GPC6: variants seen among roughly 807,000 people sequenced by gnomAD.
GPC6 encodes the protein glypican 6, also known as glypican-6.
In GPC6, 14 loss-of-function variants were observed where a neutral mutation model predicts 55.2. The ratio of observed to expected loss-of-function variants is 0.25; its 90% CI spans 0.17 to 0.40. GPC6 has a LOEUF of 0.40. Among genes scored for constraint, GPC6 ranks in the 10% least tolerant of loss-of-function variants. The probability of loss-of-function intolerance (pLI) is 1.00; values close to 1 mark genes in which losing one functional copy is unlikely to be tolerated. For missense variants in GPC6, 641 were observed against 708.5 expected (o/e 0.90, Z 1.08); for synonymous variants, 278 against 259.6 (o/e 1.07, Z -0.68).
chr13:93,417,175 T>C (rs181362644), intron 1 of GPC6, among the ~76,000 whole-genome samples: 428 of 152,280 alleles, frequency 2.8e-3, no homozygotes, highest in African/African-American at 9.7e-3. Flanking sequence ...AAAATGTATA[T>C]TTCACTTATA....
At chr13:93,801,849 C>T (rs1445353329) in intron 2 of GPC6, among the ~76,000 whole-genome samples, 1 of 152,144 alleles carries the variant, frequency 6.6e-6, no homozygotes, top group East Asian at 1.9e-4. Context: ...AAGTACCTTC[C>T]ATGCTTAACC....
intron 3 of GPC6, among the ~76,000 whole-genome samples, chr13:93,969,332 A>C (rs1880184332): frequency 6.6e-6 from 1 of 152,206 alleles, no homozygotes. Flanking sequence ...GAGAGCCACT[A>C]GAAGAGACCC....
intron 4 of GPC6, among the ~76,000 whole-genome samples, chr13:94,268,964 GCT>G (rs984626016): frequency 6.6e-5 from 10 of 152,168 alleles, no homozygotes; most frequent in African/African-American, 2.4e-4. Flanking sequence ...GAAGCCAGGG[GCT>G]CATGGGCTGG....
At chr13:93,732,015 A>G (rs1883841628) in intron 2 of GPC6, among the ~76,000 whole-genome samples, 1 of 152,184 alleles carries the variant, frequency 6.6e-6, no homozygotes, top group South Asian at 2.1e-4. Context: ...CAAAAATGAA[A>G]GAATAAATAG....
At chr13:94,185,671 T>G (rs1195757605) in intron 4 of GPC6, among the ~76,000 whole-genome samples, 2 of 152,100 alleles carry the variant, frequency 1.3e-5, no homozygotes. Flanking sequence ...GAGGAGGTCT[T>G]CTATCACACT....
intron 1 of GPC6, among the ~76,000 whole-genome samples, chr13:93,461,145 T>C (rs1031663778): frequency 2.6e-5 from 4 of 152,154 alleles, no homozygotes; most frequent in African/African-American, 9.7e-5. Flanking sequence ...TCGTAAAATG[T>C]ATAATACTAG....
At chr13:93,331,632 CT>C (rs11299859) in intron 1 of GPC6, among the ~76,000 whole-genome samples, 46,310 of 151,122 alleles carry the variant, frequency 0.31, 7,897 homozygotes, top group East Asian at 0.55. Context: ...GTTTTTTCAT[CT>C]TTTTTTTTCT....
chr13:93,460,844 G>A (rs1878654551), intron 1 of GPC6, among the ~76,000 whole-genome samples: 1 of 152,112 alleles, frequency 6.6e-6, no homozygotes, highest in Admixed American at 6.6e-5. Flanking sequence ...TACATAGGCA[G>A]TTTTGAGTAA....
chr13:94,079,361 T>C (rs936723625), intron 4 of GPC6, among the ~76,000 whole-genome samples: 1 of 152,094 alleles, frequency 6.6e-6, no homozygotes, highest in Non-Finnish European at 1.5e-5. Flanking sequence ...AACACAGTGA[T>C]ATTTCAGAGA....
chr13:93,446,778 A>G (rs957287908), intron 1 of GPC6, among the ~76,000 whole-genome samples: 3 of 152,170 alleles, frequency 2.0e-5, no homozygotes, highest in Admixed American at 1.3e-4. Flanking sequence ...ATGAACTTGA[A>G]CGAGGTTAAT....
intron 4 of GPC6, among the ~76,000 whole-genome samples, chr13:94,083,932 T>C (rs908732220): frequency 4.6e-5 from 7 of 152,202 alleles, no homozygotes; most frequent in Non-Finnish European, 1.0e-4. Flanking sequence ...GCTTGTCAGT[T>C]ACCTAAAACA....
At chr13:93,832,679 G>A (rs913831790) in intron 3 of GPC6, among the ~76,000 whole-genome samples, 9 of 152,220 alleles carry the variant, frequency 5.9e-5, no homozygotes, top group Middle Eastern at 3.4e-3. Flanking sequence ...CCTAGAGATG[G>A]TGTCTCCCCT....
intron 3 of GPC6, among the ~76,000 whole-genome samples, chr13:94,011,676 T>C (rs1483293813): frequency 6.6e-6 from 1 of 152,216 alleles, no homozygotes; most frequent in Non-Finnish European, 1.5e-5. Context: ...ACTTTGAGTT[T>C]CTTTTCCTGT....
intron 3 of GPC6, among the ~76,000 whole-genome samples, chr13:93,987,157 G>A (rs1409265578): frequency 6.6e-6 from 1 of 152,106 alleles, no homozygotes; most frequent in African/African-American, 2.4e-5. Flanking sequence ...TCATAGTAAA[G>A]ACTCAATATC....
chr13:93,371,391 T>C (rs1874645503), intron 1 of GPC6, among the ~76,000 whole-genome samples: 1 of 152,156 alleles, frequency 6.6e-6, no homozygotes, highest in East Asian at 1.9e-4. Context: ...GAGATAATAT[T>C]GGTTCATTTT....
chr13:94,381,381 G>T (rs1197866925), intron 6 of GPC6, among the ~76,000 whole-genome samples: 1 of 152,132 alleles, frequency 6.6e-6, no homozygotes, highest in African/African-American at 2.4e-5. Context: ...AGGAGGAAAG[G>T]ATCCCTTCTA....
At chr13:93,688,389 A>G (rs1403582135) in intron 2 of GPC6, among the ~76,000 whole-genome samples, 2 of 152,098 alleles carry the variant, frequency 1.3e-5, no homozygotes, top group African/African-American at 4.8e-5. Flanking sequence ...AGTTAAACAT[A>G]TAATTACCAT....
intron 1 of GPC6, among the ~76,000 whole-genome samples, chr13:93,452,638 C>T (rs1220037761): frequency 6.6e-6 from 1 of 152,120 alleles, no homozygotes; most frequent in African/African-American, 2.4e-5. Context: ...CACTTTGGCC[C>T]ATTGTTTTGC....
intron 1 of GPC6, among the ~76,000 whole-genome samples, chr13:93,427,587 T>C (rs1047513204): frequency 2.0e-5 from 3 of 152,214 alleles, no homozygotes; most frequent in Non-Finnish European, 4.4e-5. Flanking sequence ...TTCAATGTGA[T>C]GTTTCACTTG....
Sources: gnomAD v4.1 joint callset for allele counts (sites outside exome capture counted in the v4.1 genomes callset) on GRCh38, gnomAD v4.1.1 for gene constraint, MANE v1.5 for transcripts, NCBI Gene and HGNC (gene_info 2026-07-23, HGNC 2026-07-21) for gene names.